NWD2: variants seen among roughly 807,000 people sequenced by gnomAD.
NWD2 encodes NACHT and WD repeat domain containing 2.
In NWD2, 37 loss-of-function variants were observed where a neutral mutation model predicts 132.7. The observed-to-expected ratio is 0.28, with a 90% confidence interval of 0.21 to 0.37. NWD2 has a LOEUF of 0.37. Among genes scored for constraint, NWD2 ranks in the 10% least tolerant of loss-of-function variants. The pLI is 1.00. For synonymous variants in NWD2, 705 were observed against 803.0 expected (o/e 0.88, Z 2.06); for missense variants, 1,592 against 2,122.4 (o/e 0.75, Z 4.91).
chr4:37,258,880 G>A (rs1325382421), intron 1 of NWD2, among the ~76,000 whole-genome samples: 3 of 152,154 alleles, frequency 2.0e-5, no homozygotes, highest in Non-Finnish European at 2.9e-5. Context: ...TCTTAACTAT[G>A]TCAAGGGAAA....
At chr4:37,435,111 A>G (rs1365319070) in intron 5 of NWD2, among the ~76,000 whole-genome samples, 1 of 152,222 alleles carries the variant, frequency 6.6e-6, no homozygotes, top group Admixed American at 6.5e-5. Flanking sequence ...GAAGTTGCTC[A>G]GGAAATTACA....
At chr4:37,270,982 C>T (rs898398424) in intron 1 of NWD2, among the ~76,000 whole-genome samples, 10 of 151,712 alleles carry the variant, frequency 6.6e-5, no homozygotes, top group African/African-American at 2.4e-4. Context: ...GTCCTTGTGC[C>T]ATCTGTTAAA....
chr4:37,333,426 A>G (rs57978746), intron 2 of NWD2, among the ~76,000 whole-genome samples: 28,488 of 152,118 alleles, frequency 0.19, 2,765 homozygotes, highest in South Asian at 0.32. Context: ...AAGGGAAGAT[A>G]ACAAGATCTC....
At chr4:37,357,546 G>T (rs1049877307) in intron 3 of NWD2, among the ~76,000 whole-genome samples, 14 of 152,232 alleles carry the variant, frequency 9.2e-5, no homozygotes, top group African/African-American at 3.4e-4. Context: ...TGTGCCAAGG[G>T]TTGCTCTTAG....
chr4:37,423,474 G>C lies in NWD2; in HGVS notation c.358-7098G>C, dbSNP rs372551748. The stretch of plus-strand genomic sequence containing the variant: ...TGCGGGCTGGAGGCCTAGAGAAGCT[G>C]GTGGTATAAATTCGAGTCCAAGTGC... On this transcript the variant is annotated intron_variant, in intron 3 of 6. Coordinates refer to ENST00000309447, the MANE Select transcript of NWD2 (RefSeq NM_001144990.2). Among the ~76,000 whole-genome samples the C allele has an allele frequency of 5.8e-4, 88 of 152,280 alleles. No individual in the cohort carries two copies. In the Middle Eastern group the frequency reaches 0.01, roughly 18 times the overall value.
At chr4:37,341,344 A>G (rs558315716) in intron 2 of NWD2, among the ~76,000 whole-genome samples, 1 of 152,356 alleles carries the variant, frequency 6.6e-6, no homozygotes, top group African/African-American at 2.4e-5. Flanking sequence ...CTTTCAACTG[A>G]CAACAGGTTT....
intron 3 of NWD2, among the ~76,000 whole-genome samples, chr4:37,400,713 G>A (rs1720881658): frequency 6.6e-6 from 1 of 152,156 alleles, no homozygotes; most frequent in Non-Finnish European, 1.5e-5. Context: ...AAGTGTGTGG[G>A]TTTCATGTCA....
intron 1 of NWD2, among the ~76,000 whole-genome samples, chr4:37,314,953 CTTTTA>C (rs1460197106): frequency 1.3e-5 from 2 of 152,032 alleles, no homozygotes; most frequent in Non-Finnish European, 2.9e-5. Context: ...TTAGCGTGTG[CTTTTA>C]TTTTATCTAT....
Position 37,335,647 on chromosome 4 carries a change from A to C in NWD2, c.240+9623A>C, listed in dbSNP as rs545160647. 2.6e-5 allele frequency among the ~76,000 whole-genome samples: 4 copies of C among 152,056 alleles called. No homozygotes were observed. In the East Asian group the frequency reaches 7.8e-4, roughly 29 times the overall value. The stretch of plus-strand genomic sequence containing the variant: ...CTCCTTCTGTCAGATCAGCGGTGGC[A>C]TTAGATTCTCATAGGAACATGAACC... On this transcript the variant is annotated intron_variant, in intron 2 of 6. Transcript: ENST00000309447.
rs534150994 is a variant in NWD2, at chr4:37,418,240, A to G, written c.358-12332A>G. On this transcript the variant is annotated intron_variant, in intron 3 of 6. Coordinates refer to ENST00000309447, the MANE Select transcript of NWD2 (RefSeq NM_001144990.2). ...AAAGCTGGAAAAACTTGAGCAATAA[A>G]ATAAAGTAGTATTGGATTATAACCC... is the stretch of plus-strand genomic sequence containing the variant. Among the ~76,000 whole-genome samples, 54 of 152,294 alleles carry G rather than the reference A, an allele frequency of 3.5e-4. No individual in the cohort carries two copies. The South Asian group carries it at 0.011, about 31-fold the overall frequency.
chr4:37,442,290 A>G (rs1712505576), intron 6 of NWD2, among the ~76,000 whole-genome samples: 1 of 152,216 alleles, frequency 6.6e-6, no homozygotes, highest in African/African-American at 2.4e-5. Context: ...TTATTTTCCT[A>G]AAAATACTCA....
chr4:37,254,443 G>A (rs1350569002), intron 1 of NWD2, among the ~76,000 whole-genome samples: 1 of 152,054 alleles, frequency 6.6e-6, no homozygotes, highest in East Asian at 1.9e-4. Context: ...TAATAAACCA[G>A]GCAGCTTAAA....
intron 1 of NWD2, among the ~76,000 whole-genome samples, chr4:37,278,558 GA>G (rs1433667699): frequency 1.3e-5 from 2 of 152,174 alleles, no homozygotes; most frequent in African/African-American, 4.8e-5. Flanking sequence ...AATGTGAGGA[GA>G]TATGTAGCTA....
At chr4:37,307,035 A>G (rs558561651) in intron 1 of NWD2, among the ~76,000 whole-genome samples, 64 of 152,160 alleles carry the variant, frequency 4.2e-4, no homozygotes, top group African/African-American at 1.5e-3. Context: ...AAAAAAAAAA[A>G]AAAGAATGTT....
chr4:37,399,230 A>G (rs1720858809), intron 3 of NWD2, among the ~76,000 whole-genome samples: 1 of 152,182 alleles, frequency 6.6e-6, no homozygotes, highest in Non-Finnish European at 1.5e-5. Flanking sequence ...AGTTTGTCAC[A>G]CCAGCAGAGC....
At chr4:37,325,559 G>A (rs886274346) in intron 1 of NWD2, among the ~76,000 whole-genome samples, 5 of 152,176 alleles carry the variant, frequency 3.3e-5, no homozygotes, top group African/African-American at 1.2e-4. Flanking sequence ...TTTAAAACTT[G>A]TATTTTGTGG....
rs5857564 is a variant in NWD2 at position 37,389,785 on chromosome 4, A to ATT, written c.357+33313_357+33314dup. Among the ~76,000 whole-genome samples, 221 of 149,380 alleles carry ATT rather than the reference A, an allele frequency of 1.5e-3. 2 individuals are homozygous for ATT. The highest frequency in any genetic ancestry group is 2.4e-3 in the African/African-American group (96 of 40,824). On this transcript the variant is annotated intron_variant, in intron 3 of 6. Coordinates refer to ENST00000309447, the MANE Select transcript of NWD2 (RefSeq NM_001144990.2). ...GTAAAATTAATATCAAATCATACGC[A>ATT]TTTTTTTTTTTACACAATGGAGTCT...
At chr4:37,401,300 C>T (rs1720890460) in intron 3 of NWD2, among the ~76,000 whole-genome samples, 1 of 152,174 alleles carries the variant, frequency 6.6e-6, no homozygotes, top group Admixed American at 6.5e-5. Context: ...CTCCTACCTC[C>T]ATTTGGCCCA....
chr4:37,250,989 C>T (rs1437591696), intron 1 of NWD2, among the ~76,000 whole-genome samples: 2 of 152,190 alleles, frequency 1.3e-5, no homozygotes, highest in African/African-American at 2.4e-5. Context: ...GTAAAGGTAC[C>T]GTTGGCTGGA....
Sources: gnomAD v4.1 joint callset for allele counts (sites outside exome capture counted in the v4.1 genomes callset) on GRCh38, gnomAD v4.1.1 for gene constraint, MANE v1.5 for transcripts, NCBI Gene and HGNC (gene_info 2026-07-23, HGNC 2026-07-21) for gene names.